Variants in CSMD3 observed in about 807,000 individuals in gnomAD.
CSMD3 encodes CUB and Sushi multiple domains 3.
Under a neutral mutation model 435.2 loss-of-function variants are expected in CSMD3, and 177 were observed. That is an observed-to-expected ratio of 0.41 (90% confidence interval 0.36 to 0.46). The LOEUF is 0.46. Ranked by LOEUF, CSMD3 falls within the 20% of genes least tolerant of loss-of-function variation. The probability of loss-of-function intolerance (pLI) is 0.34; values close to 1 mark genes in which losing one functional copy is unlikely to be tolerated. For missense variants in CSMD3, 4,265 were observed against 4,504.6 expected (o/e 0.95, Z 1.52); for synonymous variants, 1,656 against 1,520.5 (o/e 1.09, Z -2.07).
intron 32 of CSMD3, among the ~76,000 whole-genome samples, chr8:112,451,121 T>C (rs1389602505): frequency 6.6e-6 from 1 of 152,120 alleles, no homozygotes; most frequent in Non-Finnish European, 1.5e-5. Context: ...ATACTTAAAA[T>C]ACAGGTAGCT....
At chr8:113,185,574 C>T (rs1003096941) in intron 3 of CSMD3, among the ~76,000 whole-genome samples, 2 of 151,986 alleles carry the variant, frequency 1.3e-5, no homozygotes, top group Admixed American at 6.6e-5. Flanking sequence ...TTTTAGACAA[C>T]CAATGTTTTA....
At chr8:112,909,901 T>G (rs1458360068) in intron 10 of CSMD3, among the ~76,000 whole-genome samples, 2 of 151,852 alleles carry the variant, frequency 1.3e-5, no homozygotes, top group Non-Finnish European at 1.5e-5. Flanking sequence ...AATCATGAGC[T>G]GCTGCTTCAA....
At chr8:112,386,720 A>G (rs1830001534) in intron 36 of CSMD3, among the ~76,000 whole-genome samples, 2 of 151,924 alleles carry the variant, frequency 1.3e-5, no homozygotes, top group Admixed American at 6.6e-5. Context: ...GATGGTCGCT[A>G]TCTCCTGACC....
chr8:112,715,253 C>T (rs978186589), intron 13 of CSMD3, among the ~76,000 whole-genome samples: 5 of 151,906 alleles, frequency 3.3e-5, no homozygotes, highest in African/African-American at 1.2e-4. Context: ...GACACACTGA[C>T]CCCACATAAA....
At chr8:112,423,177 C>CCATTA (rs1812700873) in intron 32 of CSMD3, among the ~76,000 whole-genome samples, 1 of 151,732 alleles carries the variant, frequency 6.6e-6, no homozygotes, top group Non-Finnish European at 1.5e-5. Context: ...TAAACAATAT[C>CCATTA]ATCCATAACC....
intron 23 of CSMD3, among the ~76,000 whole-genome samples, chr8:112,580,946 C>T (rs1482277816): frequency 6.6e-6 from 1 of 151,998 alleles, no homozygotes; most frequent in African/African-American, 2.4e-5. Flanking sequence ...CACTGCCCAG[C>T]AAAAAGGTTG....
rs749290516 is a variant in CSMD3 at position 112,517,210 on chromosome 8, G to A, written c.4580C>T (p.Ala1527Val). The stretch of plus-strand genomic sequence containing the variant: ...CATGGGGACCCCTGGGTCACGACAC[G>A]CAGTGGCAACAGAACCTATCAAAAG... ...AIQFSSSVAT[A>V]CRDPGVPMNG... The change falls in exon 28 of 71, where the codon GCG becomes GTG. Residue 1527 changes from alanine to valine, a missense_variant. Ala to Val is a moderately conservative substitution (Grantham distance 64, BLOSUM62 0). Transcript: ENST00000297405. 11 of 1,613,222 alleles carry A rather than the reference G, an allele frequency of 6.8e-6. No homozygotes were observed. Among genetic ancestry groups the A allele is most frequent in the East Asian group, 2.2e-5 (1 of 44,866 alleles).
intron 5 of CSMD3, among the ~76,000 whole-genome samples, chr8:113,035,568 G>A (rs965774866): frequency 4.6e-5 from 7 of 151,900 alleles, no homozygotes; most frequent in Non-Finnish European, 1.0e-4. Flanking sequence ...CTTTATTGCA[G>A]CTATATGATT....
chr8:112,855,324 A>G lies in CSMD3; in HGVS notation c.1755+3821T>C, dbSNP rs562588014. Among the ~76,000 whole-genome samples, 2 of 152,276 alleles carry G rather than the reference A, an allele frequency of 1.3e-5. 1 individual carries two copies. The highest frequency in any genetic ancestry group is 4.1e-4 in the South Asian group (2 of 4,826). On this transcript the variant is annotated intron_variant, in intron 11 of 70. Coordinates refer to ENST00000297405, the MANE Select transcript of CSMD3 (RefSeq NM_198123.2). ...ATTATTTAAAACTCTTAGTGTGAAT[A>G]GCTGCAAAGGACGCAATTTCTACTC...
At chr8:112,604,410 G>C (rs1414229765) in intron 22 of CSMD3, among the ~76,000 whole-genome samples, 1 of 152,030 alleles carries the variant, frequency 6.6e-6, no homozygotes, top group Admixed American at 6.6e-5. Context: ...AATGAAAACA[G>C]CGTGGTACTG....
intron 3 of CSMD3, among the ~76,000 whole-genome samples, chr8:113,234,055 G>C (rs1012401626): frequency 3.3e-5 from 5 of 152,066 alleles, no homozygotes; most frequent in African/African-American, 9.7e-5. Flanking sequence ...CCAGAGGAAG[G>C]CTATCTTCCA....
chr8:113,084,239 A>T (rs1165132484), intron 5 of CSMD3, among the ~76,000 whole-genome samples: 2 of 152,028 alleles, frequency 1.3e-5, no homozygotes, highest in South Asian at 2.1e-4. Flanking sequence ...TAAAACTGAT[A>T]AAAAAATTAG....
At chr8:112,495,277 G>A (rs1021212884) in intron 30 of CSMD3, among the ~76,000 whole-genome samples, 1 of 152,138 alleles carries the variant, frequency 6.6e-6, no homozygotes, top group Non-Finnish European at 1.5e-5. Context: ...GTAGAGGAAG[G>A]ATTTAAATTT....
chr8:112,897,716 G>A (rs888827252), intron 10 of CSMD3, among the ~76,000 whole-genome samples: 3 of 150,464 alleles, frequency 2.0e-5, no homozygotes, highest in Non-Finnish European at 3.0e-5. Context: ...GTGTGTGTGT[G>A]TGTGTGTGTG....
At chr8:112,237,136 A>C in intron 67 of CSMD3, 54 bp downstream of exon 67, 1 of 1,551,646 alleles carries the variant, frequency 6.4e-7, no homozygotes, top group East Asian at 2.2e-5. Flanking sequence ...TGATGAAATC[A>C]TAATAGAAAT....
At chr8:113,211,117 A>C (rs931618183) in intron 3 of CSMD3, among the ~76,000 whole-genome samples, 10 of 152,174 alleles carry the variant, frequency 6.6e-5, no homozygotes, top group African/African-American at 2.2e-4. Flanking sequence ...CAATGACTGG[A>C]AATTGACTCA....
chr8:113,372,400 G>C (rs902778147), intron 1 of CSMD3, among the ~76,000 whole-genome samples: 2 of 152,004 alleles, frequency 1.3e-5, no homozygotes, highest in Non-Finnish European at 2.9e-5. Flanking sequence ...TAATATTTTG[G>C]GCTTTGATTT....
chr8:112,957,495 C>G (rs1445307989), intron 7 of CSMD3, among the ~76,000 whole-genome samples: 1 of 152,176 alleles, frequency 6.6e-6, no homozygotes, highest in Non-Finnish European at 1.5e-5. Context: ...GCTCGGTCGC[C>G]CAGGCTGGAG....
At chr8:112,736,875 C>T (rs2077196638) in intron 13 of CSMD3, among the ~76,000 whole-genome samples, 1 of 151,962 alleles carries the variant, frequency 6.6e-6, no homozygotes, top group Admixed American at 6.6e-5. Flanking sequence ...TCAGCGTATA[C>T]TGCCCTGACA....
Sources: allele counts gnomAD v4.1 joint callset (sites outside exome capture counted in the v4.1 genomes callset), GRCh38; gene constraint gnomAD v4.1.1; transcripts MANE v1.5; gene names NCBI Gene and HGNC (gene_info 2026-07-23, HGNC 2026-07-21).